The following PLCB4 variants were observed in gnomAD, a reference collection of about 807,000 sequenced individuals.
PLCB4 encodes the protein 1-phosphatidylinositol 4,5-bisphosphate phosphodiesterase beta-4.
A neutral mutation model predicts 178.8 loss-of-function variants in PLCB4; 77 were observed. The observed-to-expected ratio is 0.43, with a 90% CI of 0.36 to 0.52. The LOEUF (loss-of-function observed/expected upper bound fraction) is 0.52, where lower values mean the gene tolerates loss of function less well. PLCB4 is among the 20% of genes least tolerant of loss of function. The pLI is 0.00. For missense variants in PLCB4, 1,024 were observed against 1,453.4 expected, an observed-to-expected ratio of 0.70 and a Z score of 4.80; for synonymous variants, 496 against 490.8, an observed-to-expected ratio of 1.01 and a Z score of -0.14.
At chr20:9,470,436 GA>G (rs2044111175) in intron 36 of PLCB4, among the ~76,000 whole-genome samples, 1 of 152,078 alleles carries the variant, frequency 6.6e-6, no homozygotes, top group East Asian at 1.9e-4. Context: ...TCTTCAGTTT[GA>G]AAACACCAAA....
intron 1 of PLCB4, among the ~76,000 whole-genome samples, chr20:9,094,526 AAC>A (rs1568736615): frequency 6.6e-6 from 1 of 152,174 alleles, no homozygotes; most frequent in Non-Finnish European, 1.5e-5. Context: ...ACATTTAAAA[AAC>A]TTTTTATTAT....
chr20:9,358,800 G>A (rs1002425248), intron 7 of PLCB4, among the ~76,000 whole-genome samples: 1 of 152,148 alleles, frequency 6.6e-6, no homozygotes, highest in African/African-American at 2.4e-5. Context: ...TCATGAGGCT[G>A]AGGAAGGAGA....
chr20:9,129,599 C>T (rs1483157457), intron 2 of PLCB4, among the ~76,000 whole-genome samples: 2 of 152,166 alleles, frequency 1.3e-5, no homozygotes, highest in African/African-American at 4.8e-5. Flanking sequence ...TATCTATTTA[C>T]ACCCAGGGAT....
chr20:9,440,952 G>A (rs1383959523), intron 30 of PLCB4, among the ~76,000 whole-genome samples: 1 of 152,306 alleles, frequency 6.6e-6, no homozygotes, highest in East Asian at 1.9e-4. Context: ...ACTTGTCTTG[G>A]AGGAAGGGCA....
At chr20:9,230,796 G>A (rs552937041) in intron 3 of PLCB4, among the ~76,000 whole-genome samples, 1 of 152,192 alleles carries the variant, frequency 6.6e-6, no homozygotes, top group South Asian at 2.1e-4. Flanking sequence ...TCACATGACA[G>A]CAGCAAAGTA....
intron 4 of PLCB4, among the ~76,000 whole-genome samples, chr20:9,312,334 G>T (rs1339641156): frequency 7.0e-6 from 1 of 143,860 alleles, no homozygotes; most frequent in Admixed American, 7.0e-5. Flanking sequence ...CTTTATACTA[G>T]CCTCCCCACC....
intron 3 of PLCB4, among the ~76,000 whole-genome samples, chr20:9,221,996 T>C (rs1390620930): frequency 6.6e-6 from 1 of 151,668 alleles, no homozygotes; most frequent in Non-Finnish European, 1.5e-5. Context: ...GGGAAATATA[T>C]AGTGTTTCTT....
intron 2 of PLCB4, among the ~76,000 whole-genome samples, chr20:9,123,209 A>G (rs538249240): frequency 1.7e-3 from 262 of 152,264 alleles, no homozygotes; most frequent in Non-Finnish European, 2.9e-3. Flanking sequence ...GCTACAGTCT[A>G]TTAAAAAAAG....
chr20:9,464,608 C>T (rs577511053), intron 35 of PLCB4, among the ~76,000 whole-genome samples: 63 of 151,996 alleles, frequency 4.1e-4, no homozygotes, highest in African/African-American at 1.1e-3. Flanking sequence ...ATATCACCAC[C>T]GATCCCACAG....
At chr20:9,346,675 A>AG (rs915255026) in intron 7 of PLCB4, among the ~76,000 whole-genome samples, 9 of 152,242 alleles carry the variant, frequency 5.9e-5, no homozygotes, top group African/African-American at 2.2e-4. Flanking sequence ...CAAATCAATG[A>AG]GGGGGGGCAT....
At chr20:9,328,392 A>G (rs1261242319) in intron 4 of PLCB4, among the ~76,000 whole-genome samples, 1 of 152,264 alleles carries the variant, frequency 6.6e-6, no homozygotes. Flanking sequence ...ACACTCCCCC[A>G]TAAAAAACTG....
At chr20:9,138,997 T>G (rs1412310034) in intron 2 of PLCB4, among the ~76,000 whole-genome samples, 1 of 152,120 alleles carries the variant, frequency 6.6e-6, no homozygotes, top group African/African-American at 2.4e-5. Context: ...AAAATGGTCA[T>G]GTTAAAGGTC....
chr20:9,171,820 A>C (rs1317054834), intron 2 of PLCB4, among the ~76,000 whole-genome samples: 3 of 152,154 alleles, frequency 2.0e-5, no homozygotes, highest in Non-Finnish European at 4.4e-5. Flanking sequence ...AATTGTGGGA[A>C]ATAATGACTA....
chr20:9,411,707 G>A (rs879461706), intron 25 of PLCB4, among the ~76,000 whole-genome samples: 59 of 142,024 alleles, frequency 4.2e-4, no homozygotes, highest in Non-Finnish European at 6.7e-4. Flanking sequence ...TATAAAATTA[G>A]AATTCTCTTG....
chr20:9,346,546 T>C (rs2033813674), intron 7 of PLCB4, among the ~76,000 whole-genome samples: 1 of 152,130 alleles, frequency 6.6e-6, no homozygotes, highest in Non-Finnish European at 1.5e-5. Flanking sequence ...GTGGGATGAG[T>C]GTGTAGGTCT....
At chr20:9,335,048 C>T (rs1280423902) in intron 4 of PLCB4, among the ~76,000 whole-genome samples, 1 of 152,048 alleles carries the variant, frequency 6.6e-6, no homozygotes, top group Non-Finnish European at 1.5e-5. Context: ...ATAGGGTGCA[C>T]ATAAGAATGA....
chr20:9,444,659 G>A (rs1282019587), intron 32 of PLCB4, among the ~76,000 whole-genome samples: 1 of 152,136 alleles, frequency 6.6e-6, no homozygotes, highest in African/African-American at 2.4e-5. Flanking sequence ...CTACTCAGGA[G>A]GCTGAGGCAG....
At chr20:9,226,113 C>T (rs1359987277) in intron 3 of PLCB4, among the ~76,000 whole-genome samples, 1 of 152,104 alleles carries the variant, frequency 6.6e-6, no homozygotes, top group Non-Finnish European at 1.5e-5. Context: ...GAGGAAGACT[C>T]CAGAGGCACT....
chr20:9,190,428 C>T (rs2093387152), intron 2 of PLCB4, among the ~76,000 whole-genome samples: 1 of 152,134 alleles, frequency 6.6e-6, no homozygotes. Flanking sequence ...CCTTGCTTCC[C>T]CTTTGCCTTC....
Sources: gnomAD v4.1 joint callset for allele counts (sites outside exome capture counted in the v4.1 genomes callset) on GRCh38, gnomAD v4.1.1 for gene constraint, MANE v1.5 for transcripts, NCBI Gene and HGNC (gene_info 2026-07-23, HGNC 2026-07-21) for gene names.